The following SNX7 variants were observed in gnomAD, a reference collection of about 807,000 sequenced individuals.
SNX7 encodes the protein sorting nexin 7.
In SNX7, 35 loss-of-function variants were observed where a neutral mutation model predicts 48.4. The observed-to-expected ratio is 0.72, with a 90% confidence interval of 0.55 to 0.96. SNX7 has a LOEUF of 0.96. SNX7 is among the 40% of genes least tolerant of loss of function. The pLI, the probability that SNX7 is intolerant of heterozygous loss-of-function variation, is 0.00. For synonymous variants in SNX7, 190 were observed against 190.2 expected, an observed-to-expected ratio of 1.00 and a Z score of 0.01; for missense variants, 553 against 548.9, an observed-to-expected ratio of 1.01 and a Z score of -0.07.
intron 8 of SNX7, among the ~76,000 whole-genome samples, chr1:98,753,293 C>T (rs928892008): frequency 2.6e-5 from 4 of 152,130 alleles, no homozygotes; most frequent in East Asian, 1.9e-4. Flanking sequence ...ATAAGGAAAT[C>T]GTGAAGTAGC....
chr1:98,749,074 A>C (rs1290509966), intron 8 of SNX7, among the ~76,000 whole-genome samples: 1 of 152,170 alleles, frequency 6.6e-6, no homozygotes, highest in East Asian at 1.9e-4. Flanking sequence ...AACTTCATGT[A>C]ATTGGCTTAG....
At chr1:98,697,728 T>TA (rs1651537519) in intron 5 of SNX7, among the ~76,000 whole-genome samples, 1 of 152,122 alleles carries the variant, frequency 6.6e-6, no homozygotes, top group African/African-American at 2.4e-5. Context: ...GCATTTGAGT[T>TA]ATAAGACATC....
At chr1:98,666,611 G>A (rs1649547589) in intron 1 of SNX7, among the ~76,000 whole-genome samples, 1 of 152,134 alleles carries the variant, frequency 6.6e-6, no homozygotes, top group Admixed American at 6.6e-5. Flanking sequence ...TTCAATAAAG[G>A]TGACTGTGTC....
intron 7 of SNX7, among the ~76,000 whole-genome samples, chr1:98,731,751 A>G (rs186727714): frequency 3.3e-5 from 5 of 152,242 alleles, no homozygotes; most frequent in Admixed American, 6.6e-5. Flanking sequence ...GTATCTAGAC[A>G]TAGAAAAAGT....
chr1:98,731,840 T>C (rs1653530257), intron 7 of SNX7, among the ~76,000 whole-genome samples: 1 of 152,166 alleles, frequency 6.6e-6, no homozygotes, highest in Admixed American at 6.6e-5. Flanking sequence ...TGTTGTTATG[T>C]GGCACATGAC....
Position 98,712,908 on chromosome 1 carries a change from A to G in SNX7, c.1125+11005A>G, listed in dbSNP as rs1454015317. Among the ~76,000 whole-genome samples, 3 of 152,210 alleles carry G rather than the reference A, an allele frequency of 2.0e-5. No individual in the cohort carries two copies. The East Asian group carries it at 5.8e-4, about 29-fold the overall frequency. ...GGAGTTCGAAATGAGCCTGACCAAC[A>G]TGGAGAAACCCTGTCTCTACTAAAA... is the stretch of plus-strand genomic sequence containing the variant. On this transcript the variant is annotated intron_variant, in intron 7 of 8. Transcript: ENST00000306121.
At chr1:98,757,899 C>T (rs1313342491) in intron 8 of SNX7, among the ~76,000 whole-genome samples, 2 of 152,030 alleles carry the variant, frequency 1.3e-5, no homozygotes, top group African/African-American at 2.4e-5. Flanking sequence ...CTACCTTTTG[C>T]TCATCTTTTA....
intron 7 of SNX7, among the ~76,000 whole-genome samples, chr1:98,703,179 T>C (rs1463161425): frequency 1.3e-5 from 2 of 152,082 alleles, no homozygotes; most frequent in African/African-American, 4.8e-5. Context: ...TCAATAAATA[T>C]GTAGTGAAGG....
chr1:98,738,449 C>G, intron 8 of SNX7, 60 bp downstream of exon 8: 1 of 1,516,570 alleles, frequency 6.6e-7, no homozygotes. Flanking sequence ...TACTTTTGGT[C>G]CGTCCAATGT....
chr1:98,744,758 A>G (rs1292646145), intron 8 of SNX7, among the ~76,000 whole-genome samples: 1 of 152,020 alleles, frequency 6.6e-6, no homozygotes, highest in Non-Finnish European at 1.5e-5. Context: ...AACAAAAACT[A>G]TCCATTGCTG....
intron 7 of SNX7, among the ~76,000 whole-genome samples, chr1:98,733,202 T>C (rs1557828858): frequency 7.1e-6 from 1 of 141,466 alleles, no homozygotes; most frequent in Non-Finnish European, 1.6e-5. Context: ...ACTGTTAACC[T>C]TCAGGCCATC....
At chr1:98,754,659 ACT>A (rs1654755259) in intron 8 of SNX7, among the ~76,000 whole-genome samples, 1 of 151,596 alleles carries the variant, frequency 6.6e-6, no homozygotes, top group African/African-American at 2.4e-5. Context: ...ACTAACATTA[ACT>A]CTCTCATTCC....
intron 7 of SNX7, among the ~76,000 whole-genome samples, chr1:98,724,938 TATTA>T (rs1349601677): frequency 2.0e-5 from 3 of 152,178 alleles, no homozygotes; most frequent in Non-Finnish European, 4.4e-5. Context: ...TGCTAAAGTA[TATTA>T]ATTATTTATT....
intron 1 of SNX7, among the ~76,000 whole-genome samples, chr1:98,663,253 G>GTTTTT (rs61588201): frequency 9.6e-5 from 4 of 41,504 alleles, no homozygotes; most frequent in African/African-American, 3.0e-4. Context: ...TTTCTTTCTG[G>GTTTTT]TTTTTTTTTT....
chr1:98,716,715 A>T (rs1416854810), intron 7 of SNX7, among the ~76,000 whole-genome samples: 1 of 150,420 alleles, frequency 6.6e-6, no homozygotes, highest in African/African-American at 2.4e-5. Flanking sequence ...CATAAATACA[A>T]TTTTTTTTTT....
At chr1:98,716,406 C>T (rs755661532) in intron 7 of SNX7, among the ~76,000 whole-genome samples, 2 of 152,134 alleles carry the variant, frequency 1.3e-5, no homozygotes, top group Non-Finnish European at 2.9e-5. Flanking sequence ...TTTTCTCCAC[C>T]AGTGTGGACA....
chr1:98,667,662 G>T (rs573822253), intron 1 of SNX7, among the ~76,000 whole-genome samples: 1 of 152,070 alleles, frequency 6.6e-6, no homozygotes, highest in East Asian at 1.9e-4. Flanking sequence ...GATTGCAGGT[G>T]TGAGCCACCA....
At chr1:98,695,953 G>A in intron 5 of SNX7, among the ~76,000 whole-genome samples, 1 of 152,080 alleles carries the variant, frequency 6.6e-6, no homozygotes, top group East Asian at 1.9e-4. Flanking sequence ...AGATAATAGT[G>A]GTAAAGTAAG....
At chr1:98,753,837 A>G (rs991472811) in intron 8 of SNX7, among the ~76,000 whole-genome samples, 1 of 152,036 alleles carries the variant, frequency 6.6e-6, no homozygotes, top group Non-Finnish European at 1.5e-5. Context: ...TTGTGGGTAG[A>G]TTTTTTAAAG....
Sources: gnomAD v4.1 joint callset for allele counts (sites outside exome capture counted in the v4.1 genomes callset) on GRCh38, gnomAD v4.1.1 for gene constraint, MANE v1.5 for transcripts, NCBI Gene and HGNC (gene_info 2026-07-23, HGNC 2026-07-21) for gene names.